CFAP46: variants seen among roughly 807,000 people sequenced by gnomAD.
CFAP46 encodes cilia- and flagella-associated protein 46.
In CFAP46, 245 loss-of-function variants were observed where a neutral mutation model predicts 325.7. The observed-to-expected ratio is 0.75, with a 90% CI of 0.68 to 0.84. The LOEUF is 0.84. Ranked by LOEUF, CFAP46 falls within the 40% of genes least tolerant of loss-of-function variation. The probability of loss-of-function intolerance (pLI) is 0.00; values close to 1 mark genes in which losing one functional copy is unlikely to be tolerated. For synonymous variants in CFAP46, 1,523 were observed against 1,495.9 expected, an observed-to-expected ratio of 1.02 and a Z score of -0.42; for missense variants, 3,346 against 3,543.0, an observed-to-expected ratio of 0.94 and a Z score of 1.41.
At chr10:132,897,551 C>T (rs1849335155) in intron 24 of CFAP46, among the ~76,000 whole-genome samples, 1 of 152,242 alleles carries the variant, frequency 6.6e-6, no homozygotes, top group African/African-American at 2.4e-5. Flanking sequence ...TCTTCCTGGG[C>T]AGCCAGAAAA....
chr10:132,832,592 T>C lies in CFAP46; in HGVS notation c.7117+766A>G. 2.8e-6 allele frequency: 1 copy of C among 353,892 alleles called. No individual in the cohort carries two copies. Among genetic ancestry groups the C allele is most frequent in the South Asian group, 2.1e-5 (1 of 48,110 alleles). The allele number at this position is 353,892 out of a possible 1,614,324, so 21.9% of individuals were successfully genotyped here. A position where few individuals can be genotyped will look rare whatever the true frequency, so the allele number is the denominator to read the frequency against. ...AACGAATCTGGTCCCTGTTACTTCATCTGAGATGGAAGCAAAAGTCCAATC... is the reference window on the plus strand; with the variant it reads ...AACGAATCTGGTCCCTGTTACTTCACCTGAGATGGAAGCAAAAGTCCAATC... On this transcript the variant is annotated intron_variant, in intron 50 of 57. Transcript: ENST00000368586. This position sits in a 1 kb window ranked among gnomAD's most constrained non-coding sequence, Gnocchi z 4.1.
chr10:132,917,740 C>T (rs1457415364), intron 16 of CFAP46, among the ~76,000 whole-genome samples: 2 of 152,150 alleles, frequency 1.3e-5, no homozygotes, highest in Non-Finnish European at 1.5e-5. Context: ...TTGTTTGAAG[C>T]ACAGAAGGTT....
chr10:132,941,521 G>C, intron 3 of CFAP46, 70 bp downstream of exon 3: 1 of 1,549,022 alleles, frequency 6.5e-7, no homozygotes, highest in Non-Finnish European at 8.8e-7. Context: ...GCCTGGTCTA[G>C]CCTGGCATTG....
chr10:132,869,809 C>T lies in CFAP46; in HGVS notation c.4512-437G>A, dbSNP rs929155930. 1.6e-4 allele frequency among the ~76,000 whole-genome samples: 24 copies of T among 152,270 alleles called. No individual in the cohort carries two copies. The highest frequency in any genetic ancestry group is 5.9e-4 in the Admixed American group (9 of 15,294). The stretch of plus-strand genomic sequence containing the variant: ...GTGGTCCCTCTTAGCCCCGTGACCA[C>T]GCCTGCTCCAGCCTCCTCTCCCGTG... On this transcript the variant is annotated intron_variant, in intron 32 of 57. Transcript: ENST00000368586. The surrounding 1 kb of genome is among the most constrained non-coding windows in gnomAD (Gnocchi z 6.2).
At chr10:132,863,695 C>A (rs1451231506) in intron 35 of CFAP46, among the ~76,000 whole-genome samples, 1 of 149,046 alleles carries the variant, frequency 6.7e-6, no homozygotes, top group African/African-American at 2.5e-5. Context: ...TGCATGCACA[C>A]ATCTGTCCCC....
At chr10:132,867,932 A>G (rs1415767397) in intron 33 of CFAP46, among the ~76,000 whole-genome samples, 2 of 151,940 alleles carry the variant, frequency 1.3e-5, no homozygotes, top group East Asian at 3.9e-4. Context: ...TCGCTGCTCC[A>G]CCTGGCCCCG....
In CFAP46 at chr10:132,942,477, A is replaced by G. The variant is rs1291214680; in HGVS notation, c.8T>C (p.Leu3Pro). 3.2e-6 allele frequency: 4 copies of G among 1,238,544 alleles called. No homozygotes were observed. Among genetic ancestry groups the G allele is most frequent in the African/African-American group, 2.0e-5 (1 of 50,378 alleles). The allele number at this position is 1,238,544 out of a possible 1,614,324, so 76.7% of individuals were successfully genotyped here. A position where few individuals can be genotyped will look rare whatever the true frequency, so the allele number is the denominator to read the frequency against. Residue 3 changes from leucine (L) to proline (P), a missense_variant, in exon 1 of 58, where the codon CTG (leucine) becomes CCG (proline). Physicochemically the swap from Leu to Pro is moderately conservative, Grantham distance 98 (BLOSUM62 -3). Coordinates refer to ENST00000368586, the MANE Select transcript of CFAP46 (RefSeq NM_001200049.3). ...GCGGGCCAGCTCCTGCGTGATGACCAGGTCCATGGCGCCGGCGCCCTGCTC... is the reference window on the plus strand; with the variant it reads ...GCGGGCCAGCTCCTGCGTGATGACCGGGTCCATGGCGCCGGCGCCCTGCTC... The part of the protein sequence containing the change: MD[L>P]VITQELARAE...
At chr10:132,930,614 A>G (rs1849882117) in intron 8 of CFAP46, among the ~76,000 whole-genome samples, 1 of 108,512 alleles carries the variant, frequency 9.2e-6, no homozygotes, top group Non-Finnish European at 1.8e-5. Flanking sequence ...CCCCACACAG[A>G]GCCTGGGCCT....
chr10:132,892,218 C>T, intron 25 of CFAP46, 115 bp downstream of exon 25: 1 of 896,858 alleles, frequency 1.1e-6, no homozygotes, highest in Non-Finnish European at 1.7e-6. Context: ...GGAGTTACTG[C>T]CAAGTGGCTT....
At chr10:132,824,806 C>A (rs531911963) in intron 50 of CFAP46, among the ~76,000 whole-genome samples, 1 of 112,812 alleles carries the variant, frequency 8.9e-6, no homozygotes, top group Non-Finnish European at 1.7e-5. Flanking sequence ...GCTGTCTGTG[C>A]GCTGATGTGT....
chr10:132,876,848 A>C lies in CFAP46; in HGVS notation c.4326T>G (p.Ser1442Arg), dbSNP rs1465236434. ...TACTTGAGGGGTTCACAGTAGAGTC[A>C]CTTCTGTCCTGTTTCAGTACAGACA... ...EVLSVLKQDRSDSTVNPSSIQ... is the reference protein window; with the variant it reads ...EVLSVLKQDRRDSTVNPSSIQ... Residue 1442 changes from serine to arginine, a missense_variant, in exon 31 of 58, where the codon AGT (serine) becomes AGG (arginine). Ser to Arg is a moderately radical substitution (Grantham distance 110). Coordinates refer to ENST00000368586, the MANE Select transcript of CFAP46 (RefSeq NM_001200049.3). This position sits in a 1 kb window ranked among gnomAD's most constrained non-coding sequence, Gnocchi z 4.1. The C allele has an allele frequency of 1.3e-6, 2 of 1,550,214 alleles. No individual in the cohort carries two copies. Among genetic ancestry groups the C allele is most frequent in the Non-Finnish European group, 1.7e-6 (2 of 1,146,962 alleles).
intron 38 of CFAP46, among the ~76,000 whole-genome samples, chr10:132,858,607 G>A (rs1848681483): frequency 6.6e-6 from 1 of 152,130 alleles, no homozygotes; most frequent in East Asian, 1.9e-4. Flanking sequence ...CCGCGCTACA[G>A]AGCCATGCAG....
intron 9 of CFAP46, among the ~76,000 whole-genome samples, chr10:132,927,126 C>T (rs925374194): frequency 5.4e-4 from 82 of 152,244 alleles, no homozygotes; most frequent in African/African-American, 1.7e-3. Flanking sequence ...TGGGGAGCAA[C>T]GTGTGGCTGT....
At chr10:132,908,735 G>A (rs1193867710) in intron 21 of CFAP46, 101 bp from the exon 22 acceptor site, 2 of 1,390,350 alleles carry the variant, frequency 1.4e-6, no homozygotes, top group Non-Finnish European at 1.9e-6. Context: ...ATCCTAAGCA[G>A]AGGCGTGGCC....
At chr10:132,825,009 T>G (rs1434177763) in intron 50 of CFAP46, among the ~76,000 whole-genome samples, 1 of 134,568 alleles carries the variant, frequency 7.4e-6, no homozygotes, top group Non-Finnish European at 1.6e-5. Flanking sequence ...TGATGTGTGC[T>G]GATGTGTGCA....
At chr10:132,924,996 C>T (rs770187027) in intron 10 of CFAP46, 110 bp from the exon 11 acceptor site, 5 of 869,456 alleles carry the variant, frequency 5.8e-6, no homozygotes, top group Non-Finnish European at 8.0e-6. Flanking sequence ...AATTCATCAC[C>T]CTGCGTGGCG....
intron 13 of CFAP46, 83 bp downstream of exon 13, chr10:132,922,021 G>A (rs775288470): frequency 5.5e-6 from 8 of 1,462,098 alleles, no homozygotes; most frequent in East Asian, 2.5e-5. Flanking sequence ...AGGGAGCATG[G>A]GGACTGGGGA....
At position 132,912,764 on chromosome 10, in the gene CFAP46, CT is replaced by C; in HGVS notation, c.2389del (p.Ser797AlafsTer43). The C allele has an allele frequency of 6.5e-7, 1 of 1,550,308 alleles. No homozygotes were observed. The highest frequency in any genetic ancestry group is 8.7e-7 in the Non-Finnish European group (1 of 1,147,000). ...CTCGGCAGCCTGGACTGGAATCCAG[CT>C]GATGATCAGGCCTCGCGCCAAGGTG... ...CNTLARGLII[S>X]WIPVQAAEKS... On this transcript the variant is annotated frameshift_variant, in exon 19 of 58. Coordinates refer to ENST00000368586, the MANE Select transcript of CFAP46 (RefSeq NM_001200049.3). LOFTEE classifies it high-confidence loss of function.
intron 44 of CFAP46, among the ~76,000 whole-genome samples, chr10:132,844,585 G>A (rs1848403570): frequency 6.6e-6 from 1 of 152,182 alleles, no homozygotes; most frequent in Non-Finnish European, 1.5e-5. Context: ...TGAAACAGGA[G>A]GGCCTGAGGA....
Sources: gnomAD v4.1 joint callset for allele counts (sites outside exome capture counted in the v4.1 genomes callset) on GRCh38, gnomAD v4.1.1 for gene constraint, Gnocchi (gnomAD v3.1) non-coding constraint, MANE v1.5 for transcripts, NCBI Gene and HGNC (gene_info 2026-07-23, HGNC 2026-07-21) for gene names.